CELA3B: variants seen among roughly 807,000 people sequenced by gnomAD.
CELA3B encodes the protein chymotrypsin like elastase 3B.
In CELA3B, 34 loss-of-function variants were observed where a neutral mutation model predicts 37.2. The ratio of observed to expected loss-of-function variants is 0.91; its 90% CI spans 0.70 to 1.22. The LOEUF (loss-of-function observed/expected upper bound fraction) is 1.22, where lower values mean the gene tolerates loss of function less well. Ranked by LOEUF, CELA3B falls within the 50% of genes most tolerant of loss-of-function variation. The pLI is 0.00. For missense variants in CELA3B, 340 were observed against 363.1 expected, an observed-to-expected ratio of 0.94 and a Z score of 0.52; for synonymous variants, 127 against 143.5, an observed-to-expected ratio of 0.89 and a Z score of 0.82.
intron 2 of CELA3B, among the ~76,000 whole-genome samples, 178 bp downstream of exon 2, chr1:21,978,632 A>G (rs1344182240): frequency 1.3e-5 from 2 of 152,136 alleles, no homozygotes; most frequent in Non-Finnish European, 2.9e-5. Flanking sequence ...TCCGTCTGTA[A>G]CCCTCACTGG....
chr1:21,985,111 T>G (rs778921610), intron 6 of CELA3B, among the ~76,000 whole-genome samples: 26 of 150,914 alleles, frequency 1.7e-4, no homozygotes, highest in African/African-American at 5.8e-4. Flanking sequence ...GAGATGCCCA[T>G]CTACAAAAAA....
intron 4 of CELA3B, chr1:21,998,133 A>C (rs1557870282): frequency 2.1e-6 from 1 of 469,932 alleles, no homozygotes; most frequent in East Asian, 7.0e-5. Context: ...TTAGATTTTG[A>C]ATATCTTATT....
At chr1:21,984,954 A>C (rs980107342) in intron 6 of CELA3B, among the ~76,000 whole-genome samples, 3 of 151,786 alleles carry the variant, frequency 2.0e-5, no homozygotes, top group African/African-American at 7.3e-5. Flanking sequence ...CTAAAAAAAA[A>C]ATAATAATAA....
chr1:21,978,783 C>T (rs1644786537), intron 2 of CELA3B, among the ~76,000 whole-genome samples: 1 of 152,062 alleles, frequency 6.6e-6, no homozygotes, highest in African/African-American at 2.4e-5. Flanking sequence ...TAGGATGATA[C>T]AACAGGGCTA....
downstream of CELA3B, among the ~76,000 whole-genome samples, chr1:21,994,039 T>C (rs1470845808): frequency 1.3e-5 from 2 of 151,230 alleles, no homozygotes; most frequent in Admixed American, 6.6e-5. Flanking sequence ...CATGTTCTCC[T>C]GTGGAAAACC....
At chr1:21,986,020 C>T (rs1261007424) in intron 6 of CELA3B, among the ~76,000 whole-genome samples, 4 of 95,348 alleles carry the variant, frequency 4.2e-5, no homozygotes, top group Admixed American at 1.2e-4. Flanking sequence ...GTGCTAAGAT[C>T]GTGCATCATC....
At chr1:21,983,232 G>T (rs550502610) in intron 4 of CELA3B, among the ~76,000 whole-genome samples, 2 of 152,102 alleles carry the variant, frequency 1.3e-5, no homozygotes, top group East Asian at 3.9e-4. Context: ...GCATGTACCT[G>T]TAATCCCAGC....
intron 7 of CELA3B, among the ~76,000 whole-genome samples, chr1:21,988,904 C>A (rs1193828532): frequency 1.5e-4 from 15 of 101,488 alleles, no homozygotes; most frequent in East Asian, 8.0e-4. Context: ...AGAAAAAAAA[C>A]TCCAAAAATA....
intron 1 of CELA3B, among the ~76,000 whole-genome samples, chr1:21,977,561 C>A (rs187281299): frequency 1.1e-3 from 168 of 152,254 alleles, no homozygotes; most frequent in African/African-American, 3.7e-3. Flanking sequence ...TGATTGAGTG[C>A]TTACTATGCC....
downstream of CELA3B, among the ~76,000 whole-genome samples, chr1:21,989,720 AGTGGGAAGGACAAT>A (rs879614613): frequency 8.9e-4 from 135 of 151,136 alleles, 1 homozygote; most frequent in Non-Finnish European, 1.4e-3. Flanking sequence ...CTCATGGTAG[AGTGGGAAGGACAAT>A]GTGTGATCTG....
At position 21,981,947 on chromosome 1, in the gene CELA3B, G is replaced by T. The variant is rs376735378; in HGVS notation, c.362+775G>T. ...TCACCGTGTTAGCCAGGATGATCTC[G>T]ATCTCCTGACCTCGTGATCTGCCCG... On this transcript the variant is annotated intron_variant, in intron 4 of 7. Coordinates refer to ENST00000337107, the MANE Select transcript of CELA3B (RefSeq NM_007352.4). Among the ~76,000 whole-genome samples, 12 of 152,080 alleles carry T rather than the reference G, an allele frequency of 7.9e-5. No homozygotes were observed. In the South Asian group the frequency reaches 2.3e-3, roughly 29 times the overall value.
At chr1:21,996,350 G>A (rs1234086117) in intron 4 of CELA3B, among the ~76,000 whole-genome samples, 1 of 151,046 alleles carries the variant, frequency 6.6e-6, no homozygotes, top group Non-Finnish European at 1.5e-5. Context: ...AAAGAAGCCG[G>A]CCAAAACCCT....
At chr1:21,984,883 GT>G (rs1049008416) in intron 6 of CELA3B, among the ~76,000 whole-genome samples, 1 of 151,892 alleles carries the variant, frequency 6.6e-6, no homozygotes, top group African/African-American at 2.4e-5. Context: ...GGAGGCAGAG[GT>G]TGCAGTGAGT....
intron 4 of CELA3B, among the ~76,000 whole-genome samples, chr1:21,982,258 T>A (rs1644810032): frequency 6.6e-6 from 1 of 151,964 alleles, no homozygotes. Context: ...GGGCAGTGGT[T>A]CTCAAAATGT....
chr1:21,986,506 A>ACCCACACCTC, intron 6 of CELA3B, 25 bp from the exon 7 acceptor site: 1 of 1,612,222 alleles, frequency 6.2e-7, no homozygotes, highest in Non-Finnish European at 8.5e-7. Context: ...TGGCTCAGCC[A>ACCCACACCTC]CCCACACCTC....
At position 21,998,281 on chromosome 1, in the gene CELA3B, A is replaced by T. The variant is rs530777808; in HGVS notation, c.*92A>T. ...GACAATTTGAACTTTGTTTGAGCTC[A>T]TATTTTCCAATCCCATCTGACCTTT... On this transcript the variant is annotated 3_prime_UTR_variant, in exon 5 of 5. Coordinates refer to the CELA3B transcript ENST00000400277. 3.2e-4 allele frequency: 146 copies of T among 457,910 alleles called. 3 individuals are homozygous for T. The highest frequency in any genetic ancestry group is 2.2e-3 in the South Asian group (139 of 63,586). The allele number at this position is 457,910 out of a possible 1,614,324, so 28.4% of individuals were successfully genotyped here.
chr1:21,978,829 G>T (rs1644786767), intron 2 of CELA3B, among the ~76,000 whole-genome samples: 1 of 151,876 alleles, frequency 6.6e-6, no homozygotes, highest in South Asian at 2.1e-4. Context: ...GAGGGATCTT[G>T]TAAGGCCAGT....
intron 1 of CELA3B, among the ~76,000 whole-genome samples, chr1:21,977,588 G>A (rs1246958674): frequency 6.6e-6 from 1 of 152,128 alleles, no homozygotes; most frequent in Non-Finnish European, 1.5e-5. Context: ...AATGTTTAGG[G>A]TTTTCCTTAT....
At chr1:21,981,531 G>A (rs1644804224) in intron 4 of CELA3B, among the ~76,000 whole-genome samples, 1 of 151,564 alleles carries the variant, frequency 6.6e-6, no homozygotes, top group South Asian at 2.1e-4. Flanking sequence ...TGGGCTCCCA[G>A]CACTATGGGC....
Sources: allele counts gnomAD v4.1 joint callset (sites outside exome capture counted in the v4.1 genomes callset), GRCh38; gene constraint gnomAD v4.1.1; transcripts MANE v1.5; gene names NCBI Gene and HGNC (gene_info 2026-07-23, HGNC 2026-07-21).